HTT: variants seen among roughly 807,000 people sequenced by gnomAD.
The protein encoded by HTT is huntington disease protein.
HTT carries 104 observed loss-of-function variants against 362.3 expected under a neutral mutation model. The ratio of observed to expected loss-of-function variants is 0.29; its 90% CI spans 0.24 to 0.34. HTT has a LOEUF of 0.34. HTT is among the 10% of genes least tolerant of loss of function. The pLI is 1.00. For missense variants in HTT, 3,301 were observed against 3,928.6 expected, an observed-to-expected ratio of 0.84 and a Z score of 4.27; for synonymous variants, 1,577 against 1,548.7, an observed-to-expected ratio of 1.02 and a Z score of -0.43.
intron 11 of HTT, among the ~76,000 whole-genome samples, chr4:3,126,647 C>G (rs1275205106): frequency 6.6e-6 from 1 of 152,216 alleles, no homozygotes; most frequent in African/African-American, 2.4e-5. Flanking sequence ...ACATGCTTAC[C>G]GACCCAACTG....
At chr4:3,152,813 A>ATTTT (rs1181564097) in intron 26 of HTT, among the ~76,000 whole-genome samples, 1 of 132,326 alleles carries the variant, frequency 7.6e-6, no homozygotes, top group Admixed American at 7.5e-5. Flanking sequence ...TGCCTGGCTA[A>ATTTT]TTTTTTTTTT....
In HTT at chr4:3,169,003, A is replaced by ATTCTTTCTTTCTTTCTTTCTTTCTTTCT. The variant is rs113879546; in HGVS notation, c.3865-3295_3865-3294insCTTTCTTTCTTTCTTTCTTTCTTTCTTT. Among the ~76,000 whole-genome samples, 43 of 143,562 alleles carry ATTCTTTCTTTCTTTCTTTCTTTCTTTCT rather than the reference A, an allele frequency of 3.0e-4. 1 individual carries two copies. The highest frequency in any genetic ancestry group is 1.1e-3 in the African/African-American group (40 of 37,776). 94.2% of individuals were successfully genotyped at this position (143,562 alleles called of 152,430 possible). ...TTTAAAGTTTGGAAAATTTTAGGCC[A>ATTCTTTCTTTCTTTCTTTCTTTCTTTCT]TTCTTTCTTTCTTTCTTTCTTTTTT... On this transcript the variant is annotated intron_variant, in intron 29 of 66. Coordinates refer to ENST00000355072, the MANE Select transcript of HTT (RefSeq NM_001388492.1).
intron 51 of HTT, among the ~76,000 whole-genome samples, chr4:3,215,953 G>C (rs1344692004): frequency 1.3e-5 from 2 of 152,166 alleles, no homozygotes; most frequent in Non-Finnish European, 2.9e-5. Context: ...GGCCCCTGTT[G>C]CCTGTCCCAC....
At chr4:3,231,268 C>T (rs1721234647) in intron 60 of HTT, among the ~76,000 whole-genome samples, 1 of 152,230 alleles carries the variant, frequency 6.6e-6, no homozygotes, top group Admixed American at 6.5e-5. Flanking sequence ...CCCATCAGGG[C>T]CTGCCTAGCC....
intron 40 of HTT, among the ~76,000 whole-genome samples, chr4:3,191,426 C>T (rs762915301): frequency 1.2e-4 from 19 of 152,124 alleles, no homozygotes; most frequent in Non-Finnish European, 2.4e-4. Flanking sequence ...CCCGCCTCGG[C>T]CTCCCAAAGT....
intron 14 of HTT, among the ~76,000 whole-genome samples, chr4:3,130,876 T>C (rs1447875088): frequency 6.6e-6 from 1 of 152,186 alleles, no homozygotes. Context: ...GCCTTTGGCA[T>C]CTCCCTATCT....
intron 46 of HTT, among the ~76,000 whole-genome samples, 179 bp downstream of exon 46, chr4:3,209,090 AG>A (rs1433606192): frequency 6.6e-6 from 1 of 152,238 alleles, no homozygotes; most frequent in African/African-American, 2.4e-5. Flanking sequence ...GGAGCCAAGC[AG>A]TGCTGATGTG....
intron 1 of HTT, among the ~76,000 whole-genome samples, chr4:3,075,750 A>G (rs1010900236): frequency 5.9e-5 from 9 of 151,824 alleles, no homozygotes; most frequent in African/African-American, 1.9e-4. Context: ...TTGTCAGGAC[A>G]TTTCATTTAG....
Position 3,131,678 on chromosome 4 carries a change from C to T in HTT, c.2139C>T (p.Ala713=). The change falls in exon 16 of 67, where the codon GCC becomes GCT. Residue 713 remains alanine, a synonymous_variant. Coordinates refer to ENST00000355072, the MANE Select transcript of HTT (RefSeq NM_001388492.1). ...GGGATGTGAGGGTCAGCGTGAAGGC[C>T]CTGGCCCTCAGCTGTGTGGGAGCAG... The part of the protein sequence containing the change: ...PDRDVRVSVK[A]LALSCVGAAV... 6.2e-7 allele frequency: 1 copy of T among 1,613,986 alleles called. No homozygotes were observed. Among genetic ancestry groups the T allele is most frequent in the Non-Finnish European group, 8.5e-7 (1 of 1,179,950 alleles).
intron 40 of HTT, among the ~76,000 whole-genome samples, chr4:3,189,930 C>T (rs192970243): frequency 5.9e-5 from 9 of 152,214 alleles, no homozygotes; most frequent in Non-Finnish European, 8.8e-5. Flanking sequence ...GCTGGAGGAT[C>T]GCTTGAGCCC....
intron 47 of HTT, 97 bp downstream of exon 47, chr4:3,210,046 A>G: frequency 1.4e-6 from 2 of 1,474,294 alleles, no homozygotes; most frequent in East Asian, 4.6e-5. Flanking sequence ...TGTTGACAAC[A>G]CATGTTGGGG....
chr4:3,188,172 G>A, intron 39 of HTT: 1 of 280,338 alleles, frequency 3.6e-6, no homozygotes, highest in Non-Finnish European at 6.7e-6. Context: ...CCTGGGGGCA[G>A]GCAGTAGGGG....
At chr4:3,113,822 AAGTCCTGTGGCTGGGTTGGGAGGG>A (rs1157572939) in intron 6 of HTT, among the ~76,000 whole-genome samples, 7 of 151,228 alleles carry the variant, frequency 4.6e-5, no homozygotes, top group African/African-American at 1.7e-4. Flanking sequence ...GCAAGGAGAG[AAGTCCTGTGGCTGGGTTGGGAGGG>A]AGTCCTGTGG....
Position 3,120,177 on chromosome 4 carries a change from T to TA in HTT, c.1069-1048dup, listed in dbSNP as rs141491779. Among the ~76,000 whole-genome samples the TA allele has an allele frequency of 6.5e-3, 995 of 152,276 alleles. 13 individuals carry two copies. The highest frequency in any genetic ancestry group is 0.023 in the African/African-American group (935 of 41,552). ...AAAAGAAACATGTATTTTATAATAT[T>TA]AAAGATAGGGTTGGCAAATAGCAAA... On this transcript the variant is annotated intron_variant, in intron 8 of 66. Coordinates refer to ENST00000355072, the MANE Select transcript of HTT (RefSeq NM_001388492.1).
chr4:3,216,155 T>C (rs1373887410), intron 51 of HTT, among the ~76,000 whole-genome samples: 2 of 152,244 alleles, frequency 1.3e-5, no homozygotes, highest in Admixed American at 6.5e-5. Context: ...TTCCTGTCTT[T>C]AGTCTTCTGC....
intron 4 of HTT, among the ~76,000 whole-genome samples, chr4:3,104,482 G>A (rs142461752): frequency 0.01 from 1,584 of 151,996 alleles, 45 homozygotes; most frequent in Admixed American, 0.052. Flanking sequence ...GGTGGCGGGC[G>A]CCTGTAATCC....
At chr4:3,160,144 A>G (rs1560573967) in intron 28 of HTT, 138 bp from the exon 29 acceptor site, 1 of 593,300 alleles carries the variant, frequency 1.7e-6, no homozygotes, top group Non-Finnish European at 3.1e-6. Flanking sequence ...AAACACGCAG[A>G]CACACCCTGC....
At chr4:3,225,801 G>A (rs903659190) in intron 57 of HTT, 58 bp downstream of exon 57, 24 of 1,274,036 alleles carry the variant, frequency 1.9e-5, no homozygotes, top group Non-Finnish European at 2.3e-5. Flanking sequence ...AGACTTTGGC[G>A]CTTGACACAC....
In HTT at chr4:3,131,318, C is replaced by T; in HGVS notation, c.2019C>T (p.Ser673=). ...GCATCAAAGGTGACATTGGACAGTC[C>T]ACTGATGATGACTCTGCACCTCTTG... The part of the protein sequence containing the change: ...PCRIKGDIGQ[S]TDDDSAPLVH... The change falls in exon 15 of 67, where the codon TCC becomes TCT. Residue 673 remains serine, a synonymous_variant. Transcript: ENST00000355072. 1 of 1,613,934 alleles carries T rather than the reference C, an allele frequency of 6.2e-7. No individual in the cohort carries two copies. Among genetic ancestry groups the T allele is most frequent in the Non-Finnish European group, 8.5e-7 (1 of 1,179,916 alleles).
Sources: gnomAD v4.1 joint callset for allele counts (sites outside exome capture counted in the v4.1 genomes callset) on GRCh38, gnomAD v4.1.1 for gene constraint, MANE v1.5 for transcripts, NCBI Gene and HGNC (gene_info 2026-07-23, HGNC 2026-07-21) for gene names.